Variants in EYA2 observed in about 807,000 individuals in gnomAD.
EYA2 encodes the protein protein phosphatase EYA2.
EYA2 carries 31 observed loss-of-function variants against 69.2 expected under a neutral mutation model. The ratio of observed to expected loss-of-function variants is 0.45; its 90% confidence interval spans 0.34 to 0.60. The LOEUF is 0.60. Among genes scored for constraint, EYA2 ranks in the 20% least tolerant of loss-of-function variants. The pLI is 0.02. For synonymous variants in EYA2, 257 were observed against 279.4 expected, an observed-to-expected ratio of 0.92 and a Z score of 0.80; for missense variants, 622 against 701.2, an observed-to-expected ratio of 0.89 and a Z score of 1.28.
chr20:46,978,485 C>G, intron 1 of EYA2: 1 of 488,896 alleles, frequency 2.0e-6, no homozygotes, highest in Non-Finnish European at 4.2e-6. Context: ...GTACAAAGGC[C>G]CTGTGGCAAG....
At chr20:46,982,177 G>A (rs1035461817) in intron 1 of EYA2, among the ~76,000 whole-genome samples, 1 of 151,974 alleles carries the variant, frequency 6.6e-6, no homozygotes, top group Non-Finnish European at 1.5e-5. Context: ...TTTACTGATG[G>A]GAAACAATCT....
At chr20:47,022,019 C>T (rs1008717133) in intron 5 of EYA2, among the ~76,000 whole-genome samples, 1 of 152,212 alleles carries the variant, frequency 6.6e-6, no homozygotes. Context: ...CATGGTCATA[C>T]ATACCAAATA....
At chr20:46,968,014 G>C (rs998253929) in intron 1 of EYA2, among the ~76,000 whole-genome samples, 2 of 152,196 alleles carry the variant, frequency 1.3e-5, no homozygotes, top group South Asian at 4.1e-4. Flanking sequence ...GATGAGATAT[G>C]GGGGATGGCT....
chr20:46,991,219 G>A (rs907033046), intron 2 of EYA2, among the ~76,000 whole-genome samples: 1 of 152,220 alleles, frequency 6.6e-6, no homozygotes, highest in Non-Finnish European at 1.5e-5. Flanking sequence ...AACTTAAGTA[G>A]AGACGCAAGT....
In EYA2 at chr20:47,144,055, G is replaced by C. The variant is rs569813474; in HGVS notation, c.978+907G>C. 2.0e-5 allele frequency among the ~76,000 whole-genome samples: 3 copies of C among 152,346 alleles called. No homozygotes were observed. The South Asian group carries it at 6.2e-4, about 32-fold the overall frequency. ...TTATGTTCACCTTATTGGTTCAACA[G>C]ATTGAAAAGTAAAGGCAACCGGCCG... On this transcript the variant is annotated intron_variant, in intron 10 of 15. Coordinates refer to ENST00000327619, the MANE Select transcript of EYA2 (RefSeq NM_005244.5).
At chr20:47,096,290 A>C (rs1336537531) in intron 8 of EYA2, among the ~76,000 whole-genome samples, 1 of 152,216 alleles carries the variant, frequency 6.6e-6, no homozygotes, top group Non-Finnish European at 1.5e-5. Flanking sequence ...ACAAAATGTA[A>C]ATGTATATTA....
chr20:47,177,305 G>A (rs2034445989), intron 12 of EYA2, among the ~76,000 whole-genome samples: 1 of 151,888 alleles, frequency 6.6e-6, no homozygotes, highest in Admixed American at 6.6e-5. Flanking sequence ...TAAAGATGGG[G>A]CCTTCCTGTC....
chr20:47,112,225 A>T lies in EYA2; in HGVS notation c.888+15057A>T, dbSNP rs1441187771. ...TGTGCGGTAAAGGTAGCAAGAAGAA[A>T]ATCCACATTGCCCATAGTGGGATCA... On this transcript the variant is annotated intron_variant, in intron 9 of 15. Coordinates refer to ENST00000327619, the MANE Select transcript of EYA2 (RefSeq NM_005244.5). Among the ~76,000 whole-genome samples the T allele has an allele frequency of 2.6e-5, 4 of 152,304 alleles. No individual in the cohort carries two copies. The East Asian group carries it at 7.7e-4, about 29-fold the overall frequency.
chr20:46,966,347 G>T (rs368734807), intron 1 of EYA2, among the ~76,000 whole-genome samples: 58 of 152,276 alleles, frequency 3.8e-4, no homozygotes, highest in South Asian at 2.1e-3. Flanking sequence ...TGTGGCAGGT[G>T]CTGTTCTAAG....
chr20:47,176,610 C>T (rs1197690501), intron 12 of EYA2, among the ~76,000 whole-genome samples: 1 of 152,120 alleles, frequency 6.6e-6, no homozygotes, highest in Non-Finnish European at 1.5e-5. Context: ...AGCAAAGAGT[C>T]AATCAGTTCA....
intron 4 of EYA2, among the ~76,000 whole-genome samples, chr20:47,006,259 AC>A (rs1982707531): frequency 6.6e-6 from 1 of 152,216 alleles, no homozygotes. Context: ...CCACATGTCC[AC>A]CCGCAGGACC....
chr20:47,061,256 C>G (rs376052083), intron 5 of EYA2, among the ~76,000 whole-genome samples: 30 of 152,282 alleles, frequency 2.0e-4, no homozygotes, highest in African/African-American at 6.5e-4. Flanking sequence ...GCCTGGCATG[C>G]TGGCTTACGC....
At chr20:47,052,918 G>A (rs1451993975) in intron 5 of EYA2, among the ~76,000 whole-genome samples, 1 of 152,146 alleles carries the variant, frequency 6.6e-6, no homozygotes, top group Non-Finnish European at 1.5e-5. Context: ...CACATTCACA[G>A]TATAAGACTG....
chr20:46,934,848 G>C lies in EYA2; in HGVS notation c.-11+39861G>C, dbSNP rs1985840903. 3.3e-5 allele frequency among the ~76,000 whole-genome samples: 5 copies of C among 152,314 alleles called. No homozygotes were observed. The South Asian group carries it at 1.0e-3, about 32-fold the overall frequency. On this transcript the variant is annotated intron_variant, in intron 1 of 15. Transcript: ENST00000327619. ...AGGAGATGGGTAGGTGGTTGAGGTT[G>C]GAGGATTGAGCAGAGGCCAGATGAT...
chr20:46,957,573 ACAC>A (rs765069841), intron 1 of EYA2, among the ~76,000 whole-genome samples: 1 of 135,692 alleles, frequency 7.4e-6, no homozygotes, highest in Non-Finnish European at 1.5e-5. Flanking sequence ...ACACACACAC[ACAC>A]ACGAAGACAA....
intron 1 of EYA2, among the ~76,000 whole-genome samples, chr20:46,981,821 A>G (rs764174404): frequency 3.9e-5 from 6 of 152,074 alleles, no homozygotes; most frequent in Non-Finnish European, 7.4e-5. Flanking sequence ...GTCTCTTGTA[A>G]TAAGCATGTA....
intron 9 of EYA2, among the ~76,000 whole-genome samples, chr20:47,103,051 T>C (rs1326706716): frequency 1.3e-5 from 2 of 152,168 alleles, no homozygotes; most frequent in Admixed American, 1.3e-4. Context: ...ACTACCAATA[T>C]GAAGCTCAAC....
intron 5 of EYA2, among the ~76,000 whole-genome samples, chr20:47,024,207 C>G (rs1983946353): frequency 6.6e-6 from 1 of 152,232 alleles, no homozygotes; most frequent in East Asian, 1.9e-4. Context: ...CCTATAAATA[C>G]TTTTGAGCTT....
intron 10 of EYA2, among the ~76,000 whole-genome samples, chr20:47,166,618 A>C (rs2034202754): frequency 6.6e-6 from 1 of 151,940 alleles, no homozygotes; most frequent in African/African-American, 2.4e-5. Flanking sequence ...AGCTGCCTCG[A>C]GAAATCACCT....
Sources: gnomAD v4.1 joint callset for allele counts (sites outside exome capture counted in the v4.1 genomes callset) on GRCh38, gnomAD v4.1.1 for gene constraint, MANE v1.5 for transcripts, NCBI Gene and HGNC (gene_info 2026-07-23, HGNC 2026-07-21) for gene names.